Variants in CELF2 observed in about 807,000 individuals in gnomAD.
CELF2 encodes the protein CUGBP Elav-like family member 2.
In CELF2, 8 loss-of-function variants were observed where a neutral mutation model predicts 62.6. The ratio of observed to expected loss-of-function variants is 0.13; its 90% CI spans 0.07 to 0.23. The LOEUF is 0.23. CELF2 is among the 10% of genes least tolerant of loss of function. The pLI is 1.00. For missense variants in CELF2, 333 were observed against 671.0 expected, an observed-to-expected ratio of 0.50 and a Z score of 5.56; for synonymous variants, 258 against 250.0, an observed-to-expected ratio of 1.03 and a Z score of -0.30.
chr10:10,662,303 A>G, the CELF2 span, among the ~76,000 whole-genome samples: 2 of 152,214 alleles, frequency 1.3e-5, no homozygotes, highest in African/African-American at 4.8e-5. Context: ...CAGGGCTCAG[A>G]TCCAGTGACT....
At chr10:11,068,231 A>G (rs2068691012) in intron 1 of CELF2, among the ~76,000 whole-genome samples, 1 of 152,230 alleles carries the variant, frequency 6.6e-6, no homozygotes, top group Non-Finnish European at 1.5e-5. Flanking sequence ...CCAAATACTC[A>G]TACTAATCAG....
chr10:11,011,748 T>A lies in CELF2; in HGVS notation c.53+6308T>A, dbSNP rs117336187. Among the ~76,000 whole-genome samples, 1 of 152,022 alleles carries A rather than the reference T, an allele frequency of 6.6e-6. No individual in the cohort carries two copies. Among genetic ancestry groups the A allele is most frequent in the Middle Eastern group, 3.4e-3 (1 of 294 alleles). On this transcript the variant is annotated intron_variant, in intron 1 of 12. Transcript: ENST00000416382. The surrounding 1 kb of genome is among the most constrained non-coding windows in gnomAD (Gnocchi z 4.6). ...TCCTAAAGGCTTTGGGTAGTTCTTT[T>A]AAGAGAAAGAAAAAAAATTTCCCCT...
At chr10:10,713,233 C>T in the CELF2 span, among the ~76,000 whole-genome samples, 2 of 152,310 alleles carry the variant, frequency 1.3e-5, no homozygotes, top group African/African-American at 2.4e-5. Flanking sequence ...GAACATTAAC[C>T]TCTTTTCTCT....
chr10:10,899,254 A>C (rs1051113841), intron 1 of CELF2, among the ~76,000 whole-genome samples: 1 of 152,180 alleles, frequency 6.6e-6, no homozygotes, highest in African/African-American at 2.4e-5. Context: ...AAAACAGAAA[A>C]CCAACAAAGA....
rs2046464379 is a variant in CELF2, at chr10:10,936,947, A to G, written c.89+16948A>G. 6.6e-6 allele frequency among the ~76,000 whole-genome samples: 1 copy of G among 152,156 alleles called. No homozygotes were observed. Among genetic ancestry groups the G allele is most frequent in the African/African-American group, 2.4e-5 (1 of 41,440 alleles). ...CAGACCATCCTTTGAGGAGCAAACGACTACAGAGCCACCAGTCCCATCTTT... is the reference window on the plus strand; with the variant it reads ...CAGACCATCCTTTGAGGAGCAAACGGCTACAGAGCCACCAGTCCCATCTTT... On this transcript the variant is annotated intron_variant, in intron 2 of 13. Coordinates refer to the CELF2 transcript ENST00000636488. The surrounding 1 kb of genome is among the most constrained non-coding windows in gnomAD (Gnocchi z 4.0).
chr10:10,665,762 A>T, the CELF2 span, among the ~76,000 whole-genome samples: 2 of 152,216 alleles, frequency 1.3e-5, no homozygotes, highest in African/African-American at 4.8e-5. Flanking sequence ...GCTCCAGGAG[A>T]TGGAGTTAGA....
In CELF2 at chr10:11,005,811, A is replaced by G. The variant is rs2055153495; in HGVS notation, c.53+371A>G. ...TTTCATTTTTATGCACTCTGCATGG[A>G]ATAATCACCGAAAAAGGAGCTGAGG... On this transcript the variant is annotated intron_variant, in intron 1 of 12. Transcript: ENST00000416382. This position sits in a 1 kb window ranked among gnomAD's most constrained non-coding sequence, Gnocchi z 4.3. 6.6e-6 allele frequency among the ~76,000 whole-genome samples: 1 copy of G among 152,166 alleles called. No homozygotes were observed. The highest frequency in any genetic ancestry group is 2.4e-5 in the African/African-American group (1 of 41,434).
At chr10:10,505,798 C>A in the CELF2 span, among the ~76,000 whole-genome samples, 1 of 152,168 alleles carries the variant, frequency 6.6e-6, no homozygotes, top group South Asian at 2.1e-4. Context: ...CTTTTCTGAT[C>A]ATTTGGGTAG....
At chr10:11,249,310 A>G (rs1391620501) in intron 4 of CELF2, 109 bp downstream of exon 4, 1 of 837,732 alleles carries the variant, frequency 1.2e-6, no homozygotes, top group Non-Finnish European at 2.0e-6. Context: ...TCTAGAGGAC[A>G]GAGAGCGCTG....
chr10:10,642,172 G>T, the CELF2 span, among the ~76,000 whole-genome samples: 1 of 152,212 alleles, frequency 6.6e-6, no homozygotes, highest in East Asian at 1.9e-4. Flanking sequence ...CTTTTGCAAG[G>T]ATATTTATAA....
At chr10:11,172,070 C>G (rs1249507345) in intron 2 of CELF2, among the ~76,000 whole-genome samples, 1 of 152,218 alleles carries the variant, frequency 6.6e-6, no homozygotes, top group Non-Finnish European at 1.5e-5. Context: ...GATGAACCTA[C>G]ACTACATTTT....
At chr10:11,184,074 G>A (rs534555371) in intron 2 of CELF2, among the ~76,000 whole-genome samples, 1 of 152,268 alleles carries the variant, frequency 6.6e-6, no homozygotes, top group East Asian at 1.9e-4. Context: ...TCTATTTTGA[G>A]TTAATTTTTA....
intron 1 of CELF2, among the ~76,000 whole-genome samples, chr10:11,144,139 G>C (rs985065955): frequency 3.9e-5 from 6 of 152,004 alleles, no homozygotes; most frequent in Non-Finnish European, 5.9e-5. Flanking sequence ...TTAGAACAAA[G>C]TTTCACAGTA....
intron 2 of CELF2, among the ~76,000 whole-genome samples, chr10:10,942,911 A>C (rs968809003): frequency 6.6e-6 from 1 of 152,212 alleles, no homozygotes; most frequent in African/African-American, 2.4e-5. Flanking sequence ...TTCTTGGATA[A>C]TTGGCAACAG....
At chr10:11,250,183 G>A (rs1009381377) in intron 4 of CELF2, among the ~76,000 whole-genome samples, 1 of 152,176 alleles carries the variant, frequency 6.6e-6, no homozygotes. Flanking sequence ...ATAGCATGGT[G>A]CTGCCAGCAC....
At chr10:11,293,807 A>AT (rs2092828121) in intron 9 of CELF2, among the ~76,000 whole-genome samples, 1 of 150,968 alleles carries the variant, frequency 6.6e-6, no homozygotes, top group Non-Finnish European at 1.5e-5. Context: ...GTTTTTTTTT[A>AT]AATTCAGTGG....
At chr10:10,511,021 T>G in the CELF2 span, among the ~76,000 whole-genome samples, 1 of 152,200 alleles carries the variant, frequency 6.6e-6, no homozygotes, top group Non-Finnish European at 1.5e-5. Context: ...GTGGGCCCCA[T>G]AGGCCTGCCT....
chr10:10,932,777 A>G (rs896207248), intron 2 of CELF2, among the ~76,000 whole-genome samples: 2 of 152,148 alleles, frequency 1.3e-5, no homozygotes, highest in Admixed American at 6.5e-5. Context: ...AACATTTTTC[A>G]TATGGCAATT....
chr10:11,232,513 T>C (rs2069141449), intron 3 of CELF2, among the ~76,000 whole-genome samples: 1 of 152,200 alleles, frequency 6.6e-6, no homozygotes, highest in Non-Finnish European at 1.5e-5. Context: ...TTAGTGGAAA[T>C]GAGCTCTGGA....
Sources: allele counts gnomAD v4.1 joint callset (sites outside exome capture counted in the v4.1 genomes callset), GRCh38; gene constraint gnomAD v4.1.1; non-coding constraint Gnocchi (gnomAD v3.1); transcripts MANE v1.5; gene names NCBI Gene and HGNC (gene_info 2026-07-23, HGNC 2026-07-21).